The following STX8 variants were observed in gnomAD, a reference collection of about 807,000 sequenced individuals.
The protein encoded by STX8 is syntaxin-8.
STX8 carries 23 observed loss-of-function variants against 37.5 expected under a neutral mutation model. The ratio of observed to expected loss-of-function variants is 0.61; its 90% CI spans 0.44 to 0.87. STX8 has a LOEUF of 0.87. Among genes scored for constraint, STX8 ranks in the 40% least tolerant of loss-of-function variants. The pLI, the probability that STX8 is intolerant of heterozygous loss-of-function variation, is 0.00. For missense variants in STX8, 313 were observed against 284.7 expected (o/e 1.10, Z -0.71); for synonymous variants, 115 against 99.1 (o/e 1.16, Z -0.95).
At chr17:9,267,763 T>C (rs1039710552) in intron 7 of STX8, among the ~76,000 whole-genome samples, 1 of 152,052 alleles carries the variant, frequency 6.6e-6, no homozygotes, top group Non-Finnish European at 1.5e-5. Context: ...CAGAGGCAGG[T>C]GGATCATCTG....
chr17:9,428,449 C>G (rs1567555832), intron 6 of STX8, among the ~76,000 whole-genome samples: 1 of 152,158 alleles, frequency 6.6e-6, no homozygotes, highest in Admixed American at 6.5e-5. Context: ...ACCGTGTTAG[C>G]CAGGATGGTC....
intron 7 of STX8, among the ~76,000 whole-genome samples, chr17:9,346,940 C>A (rs1375555235): frequency 6.6e-6 from 1 of 152,090 alleles, no homozygotes; most frequent in African/African-American, 2.4e-5. Context: ...CCAACCTGAT[C>A]AACATGGAGA....
intron 6 of STX8, among the ~76,000 whole-genome samples, chr17:9,418,837 A>G (rs1913303171): frequency 7.4e-6 from 1 of 135,402 alleles, no homozygotes; most frequent in African/African-American, 2.6e-5. Flanking sequence ...AAAAAAAAAA[A>G]AAGGGGGGGG....
At chr17:9,390,209 T>G (rs1479717139) in intron 6 of STX8, among the ~76,000 whole-genome samples, 2 of 152,136 alleles carry the variant, frequency 1.3e-5, no homozygotes, top group Non-Finnish European at 2.9e-5. Context: ...AACCATGGTC[T>G]CTCATCTAGG....
chr17:9,476,405 A>G (rs890208731), intron 6 of STX8, among the ~76,000 whole-genome samples: 6 of 152,144 alleles, frequency 3.9e-5, no homozygotes, highest in African/African-American at 1.4e-4. Flanking sequence ...TCTTGAGGCT[A>G]GAAGTCCAAG....
chr17:9,560,420 A>G (rs1015746862), intron 2 of STX8, among the ~76,000 whole-genome samples: 5 of 141,830 alleles, frequency 3.5e-5, no homozygotes, highest in African/African-American at 1.3e-4. Flanking sequence ...AAAAAACGGT[A>G]GAAGAATTCA....
intron 7 of STX8, among the ~76,000 whole-genome samples, chr17:9,299,603 C>A (rs952919310): frequency 3.3e-5 from 5 of 151,970 alleles, no homozygotes; most frequent in African/African-American, 1.2e-4. Context: ...GCCACCACAC[C>A]CGGCTAATTT....
At chr17:9,528,543 C>T (rs1348905266) in intron 4 of STX8, among the ~76,000 whole-genome samples, 7 of 152,056 alleles carry the variant, frequency 4.6e-5, no homozygotes, top group East Asian at 3.9e-4. Flanking sequence ...CTCCTGACCT[C>T]GTGATCCGCC....
chr17:9,291,271 C>G (rs1908302448), intron 7 of STX8, among the ~76,000 whole-genome samples: 2 of 151,958 alleles, frequency 1.3e-5, no homozygotes, highest in Admixed American at 1.3e-4. Flanking sequence ...ATGGTGAAAC[C>G]TCGTGTCCAC....
chr17:9,386,319 T>C (rs1912012932), intron 6 of STX8, among the ~76,000 whole-genome samples: 1 of 152,020 alleles, frequency 6.6e-6, no homozygotes, highest in Non-Finnish European at 1.5e-5. Flanking sequence ...TGGCTAAAAA[T>C]AAGAAAACAA....
intron 1 of STX8, 141 bp downstream of exon 1, chr17:9,575,651 C>T (rs953313724): frequency 9.6e-7 from 1 of 1,040,868 alleles, no homozygotes; most frequent in Non-Finnish European, 1.4e-6. Context: ...GGCTGAGCCC[C>T]CTCAGTAAAG....
At chr17:9,490,289 G>C (rs1285018396) in intron 6 of STX8, among the ~76,000 whole-genome samples, 1 of 152,224 alleles carries the variant, frequency 6.6e-6, no homozygotes, top group Non-Finnish European at 1.5e-5. Flanking sequence ...AGAAGTGTCT[G>C]CTGTAGGATT....
Position 9,402,973 on chromosome 17 carries a change from C to T in STX8, c.542-24320G>A, listed in dbSNP as rs923380249. Reference sequence around the variant, plus strand: ...GCAGAGCTTCACGAATTCATAGCTTCGGTCTGGTGACTGCCTCGCCACAGC... The same window carrying T: ...GCAGAGCTTCACGAATTCATAGCTTTGGTCTGGTGACTGCCTCGCCACAGC... On this transcript the variant is annotated intron_variant, in intron 6 of 7. Coordinates refer to ENST00000306357, the MANE Select transcript of STX8 (RefSeq NM_004853.3). Among the ~76,000 whole-genome samples, 4 of 152,316 alleles carry T rather than the reference C, an allele frequency of 2.6e-5. No individual in the cohort carries two copies. In the East Asian group the frequency reaches 5.8e-4, roughly 22 times the overall value.
In STX8 at chr17:9,398,525, C is replaced by T. The variant is rs1402162621; in HGVS notation, c.542-19872G>A. ...GCCGTATCCTAGAACAGGAAAAGGACATTGGGTCAAAATTAAGAAAATATT... is the reference window on the plus strand; with the variant it reads ...GCCGTATCCTAGAACAGGAAAAGGATATTGGGTCAAAATTAAGAAAATATT... On this transcript the variant is annotated intron_variant, in intron 6 of 7. Transcript: ENST00000306357. Among the ~76,000 whole-genome samples the T allele has an allele frequency of 2.0e-5, 3 of 152,112 alleles. No individual in the cohort carries two copies. The East Asian group carries it at 5.8e-4, about 29-fold the overall frequency.
At chr17:9,331,544 G>C (rs897724468) in intron 7 of STX8, among the ~76,000 whole-genome samples, 1 of 152,188 alleles carries the variant, frequency 6.6e-6, no homozygotes, top group African/African-American at 2.4e-5. Context: ...AAGCAGGACC[G>C]AGGCCGGGTG....
At chr17:9,383,150 T>TCTTG (rs1289906177) in intron 6 of STX8, among the ~76,000 whole-genome samples, 1 of 152,180 alleles carries the variant, frequency 6.6e-6, no homozygotes, top group Non-Finnish European at 1.5e-5. Context: ...GGCACCTTGA[T>TCTTG]CTTGACTCCC....
At chr17:9,495,963 G>A (rs1429463320) in intron 5 of STX8, among the ~76,000 whole-genome samples, 1 of 152,142 alleles carries the variant, frequency 6.6e-6, no homozygotes, top group Non-Finnish European at 1.5e-5. Context: ...TAAGGCAGGA[G>A]GACTGCTTGA....
intron 6 of STX8, among the ~76,000 whole-genome samples, chr17:9,398,684 A>G (rs1022363077): frequency 3.9e-5 from 6 of 152,206 alleles, no homozygotes; most frequent in African/African-American, 1.4e-4. Flanking sequence ...TATCTATTCA[A>G]TTTCTCTGTA....
At chr17:9,484,384 CA>C (rs58573668) in intron 6 of STX8, among the ~76,000 whole-genome samples, 5,967 of 70,042 alleles carry the variant, frequency 0.085, 349 homozygotes, top group African/African-American at 0.25. Context: ...AACCTAAGCT[CA>C]AAAAAAAAAA....
Sources: gnomAD v4.1 joint callset for allele counts (sites outside exome capture counted in the v4.1 genomes callset) on GRCh38, gnomAD v4.1.1 for gene constraint, MANE v1.5 for transcripts, NCBI Gene and HGNC (gene_info 2026-07-23, HGNC 2026-07-21) for gene names.